CSMD1: variants seen among roughly 807,000 people sequenced by gnomAD.
CSMD1 encodes the protein CUB and Sushi multiple domains 1.
Under a neutral mutation model 417.5 loss-of-function variants are expected in CSMD1, and 213 were observed. The observed-to-expected ratio is 0.51, with a 90% confidence interval of 0.46 to 0.57. The LOEUF is 0.57. Ranked by LOEUF, CSMD1 falls within the 20% of genes least tolerant of loss-of-function variation. The pLI is 0.00. For missense variants in CSMD1, 6,923 were observed against 4,529.7 expected (o/e 1.53, Z -15.17); for synonymous variants, 2,862 against 1,736.8 (o/e 1.65, Z -16.11).
intron 7 of CSMD1, among the ~76,000 whole-genome samples, chr8:3,644,491 T>G (rs1188556146): frequency 6.6e-6 from 1 of 152,198 alleles, no homozygotes; most frequent in Admixed American, 6.5e-5. Context: ...TCAAGGCTTT[T>G]GCTCTGATTA....
chr8:4,496,960 T>C (rs1489425215), intron 2 of CSMD1, among the ~76,000 whole-genome samples: 1 of 152,052 alleles, frequency 6.6e-6, no homozygotes, highest in East Asian at 1.9e-4. Context: ...ACTAATAGCT[T>C]ACAAAGCTAC....
At chr8:3,349,614 G>A (rs1354587252) in intron 21 of CSMD1, among the ~76,000 whole-genome samples, 6 of 151,228 alleles carry the variant, frequency 4.0e-5, no homozygotes, top group Admixed American at 6.6e-5. Flanking sequence ...ATCATTTTAA[G>A]AAATTACAGT....
rs1410029641 is a variant in CSMD1, at chr8:4,637,404, T to C, written c.240A>G (p.Glu80=). Residue 80 remains glutamate, a synonymous_variant, in exon 2 of 70, where the codon GAA becomes GAG. Coordinates refer to ENST00000635120, the MANE Select transcript of CSMD1 (RefSeq NM_033225.6). The part of the protein sequence containing the change: ...IQLSFHTFAL[E]EDFDILSVYD... ...AAACTGATAAAATATCAAAATCTTC[T>C]TCAAGAGCAAAGGTATGGAAGGACA... 2.5e-6 allele frequency: 4 copies of C among 1,613,958 alleles called. No individual in the cohort carries two copies. The South Asian group carries it at 4.4e-5, about 18-fold the overall frequency.
chr8:3,090,358 T>A (rs1213347451), intron 48 of CSMD1, among the ~76,000 whole-genome samples: 1 of 150,960 alleles, frequency 6.6e-6, no homozygotes, highest in Non-Finnish European at 1.5e-5. Context: ...GACTATCTAT[T>A]TTTTGGAACA....
At chr8:2,994,388 A>G (rs1410458198) in intron 54 of CSMD1, among the ~76,000 whole-genome samples, 2 of 152,072 alleles carry the variant, frequency 1.3e-5, no homozygotes, top group African/African-American at 4.8e-5. Context: ...CACACACAGA[A>G]GTGTGCACCT....
Position 3,203,343 on chromosome 8 carries a change from C to T in CSMD1, c.4985-1618G>A, listed in dbSNP as rs556411486. On this transcript the variant is annotated intron_variant, in intron 31 of 69. Transcript: ENST00000635120. Reference sequence around the variant, plus strand: ...GTCACACACACTGAGTCCCAGTGAGCAAACTCAATTGCCAAGAGAGAAAAG... The same window carrying T: ...GTCACACACACTGAGTCCCAGTGAGTAAACTCAATTGCCAAGAGAGAAAAG... Among the ~76,000 whole-genome samples, 4 of 152,252 alleles carry T rather than the reference C, an allele frequency of 2.6e-5. No individual in the cohort carries two copies. The South Asian group carries it at 8.3e-4, about 32-fold the overall frequency.
intron 1 of CSMD1, 87 bp downstream of exon 1, chr8:4,994,245 T>C: frequency 4.1e-6 from 5 of 1,226,836 alleles, no homozygotes; most frequent in Non-Finnish European, 5.8e-6. Context: ...CTCCGTACCC[T>C]GCGGTCCCCA....
At chr8:3,469,525 C>G (rs1209917018) in intron 11 of CSMD1, among the ~76,000 whole-genome samples, 1 of 152,028 alleles carries the variant, frequency 6.6e-6, no homozygotes, top group Admixed American at 6.6e-5. Context: ...CTGCTGTCAG[C>G]CAGTGAAAAG....
intron 7 of CSMD1, chr8:3,700,419 A>G (rs767975271): frequency 6.6e-6 from 1 of 152,184 alleles, no homozygotes; most frequent in Non-Finnish European, 1.5e-5. Flanking sequence ...TGTATATGTA[A>G]TATGTTATAA....
rs193081930 is a variant in CSMD1 at position 3,129,846 on chromosome 8, G to T, written c.6242-11259C>A. 1.9e-3 allele frequency among the ~76,000 whole-genome samples: 295 copies of T among 151,662 alleles called. 1 individual carries two copies. Among genetic ancestry groups the T allele is most frequent in the African/African-American group, 6.8e-3 (282 of 41,304 alleles). On this transcript the variant is annotated intron_variant, in intron 41 of 69. Coordinates refer to ENST00000635120, the MANE Select transcript of CSMD1 (RefSeq NM_033225.6). Reference sequence around the variant, plus strand: ...TCTACTAAAAATACAAAATTTAGCCGGGCATGTTGACACACACCTGTAATC... The same window carrying T: ...TCTACTAAAAATACAAAATTTAGCCTGGCATGTTGACACACACCTGTAATC...
At chr8:4,392,469 G>C (rs1438836845) in intron 3 of CSMD1, among the ~76,000 whole-genome samples, 1 of 152,070 alleles carries the variant, frequency 6.6e-6, no homozygotes, top group South Asian at 2.1e-4. Context: ...CAGTCCATTG[G>C]CATCAAACAC....
intron 3 of CSMD1, among the ~76,000 whole-genome samples, chr8:4,373,234 A>T (rs1480495184): frequency 6.6e-6 from 1 of 152,186 alleles, no homozygotes; most frequent in Non-Finnish European, 1.5e-5. Flanking sequence ...AAACTACCCC[A>T]GCCAAGAGGA....
chr8:3,772,237 A>T (rs917553202), intron 5 of CSMD1, among the ~76,000 whole-genome samples: 2 of 146,458 alleles, frequency 1.4e-5, no homozygotes, highest in African/African-American at 5.0e-5. Flanking sequence ...ACACATATTT[A>T]TATATAGATA....
chr8:4,282,959 T>A (rs1458479466), intron 3 of CSMD1, among the ~76,000 whole-genome samples: 1 of 152,166 alleles, frequency 6.6e-6, no homozygotes, highest in Non-Finnish European at 1.5e-5. Flanking sequence ...CACTTTTCAG[T>A]CTCATATATT....
intron 2 of CSMD1, among the ~76,000 whole-genome samples, chr8:4,546,233 C>T (rs925656413): frequency 4.6e-5 from 7 of 152,242 alleles, no homozygotes; most frequent in African/African-American, 1.7e-4. Context: ...CAAGCCCCTG[C>T]TCCCACCACT....
intron 3 of CSMD1, among the ~76,000 whole-genome samples, chr8:4,336,122 C>A (rs1202626091): frequency 6.6e-5 from 10 of 152,056 alleles, no homozygotes; most frequent in Admixed American, 6.6e-4. Context: ...TTTTCCTGTT[C>A]TGTATAAACT....
chr8:3,389,453 C>T (rs1049488060), intron 17 of CSMD1, among the ~76,000 whole-genome samples: 1 of 152,088 alleles, frequency 6.6e-6, no homozygotes, highest in Non-Finnish European at 1.5e-5. Flanking sequence ...CAAGAATTCC[C>T]TCAAAAGAAG....
intron 16 of CSMD1, among the ~76,000 whole-genome samples, chr8:3,397,974 G>C (rs990675703): frequency 1.3e-5 from 2 of 152,134 alleles, no homozygotes; most frequent in African/African-American, 2.4e-5. Flanking sequence ...ACTATGTCTA[G>C]AGTACAGATC....
At chr8:4,606,336 C>T (rs1194046397) in intron 2 of CSMD1, among the ~76,000 whole-genome samples, 1 of 151,526 alleles carries the variant, frequency 6.6e-6, no homozygotes, top group East Asian at 1.9e-4. Flanking sequence ...GGGAAGAAAA[C>T]AGTCAAGGAA....
Sources: gnomAD v4.1 joint callset for allele counts (sites outside exome capture counted in the v4.1 genomes callset) on GRCh38, gnomAD v4.1.1 for gene constraint, MANE v1.5 for transcripts, NCBI Gene and HGNC (gene_info 2026-07-23, HGNC 2026-07-21) for gene names.